DNAAF4: variants seen among roughly 807,000 people sequenced by gnomAD.
The protein encoded by DNAAF4 is dynein axonemal assembly factor 4.
DNAAF4 carries 43 observed loss-of-function variants against 51.8 expected under a neutral mutation model. That is an observed-to-expected ratio of 0.83 (90% confidence interval 0.65 to 1.07). The LOEUF is 1.07. Among genes scored for constraint, DNAAF4 ranks in the 50% least tolerant of loss-of-function variants. DNAAF4 has a pLI of 0.00. For missense variants in DNAAF4, 581 were observed against 493.0 expected, an observed-to-expected ratio of 1.18 and a Z score of -1.69; for synonymous variants, 194 against 165.6, an observed-to-expected ratio of 1.17 and a Z score of -1.32.
intron 2 of DNAAF4, 70 bp from the exon 3 acceptor site, chr15:55,497,929 G>A: frequency 6.5e-7 from 1 of 1,537,276 alleles, no homozygotes; most frequent in Non-Finnish European, 8.8e-7. Context: ...AGAAACACGT[G>A]AAAAAGGTAA....
chr15:55,466,896 G>T lies in DNAAF4; in HGVS notation c.637+34C>A. 1.9e-6 allele frequency: 3 copies of T among 1,577,882 alleles called. No homozygotes were observed. The South Asian group carries it at 3.6e-5, about 19-fold the overall frequency. Reference sequence around the variant, plus strand: ...AGCGTCATATATACTTCACCAACAGGACTCACTACTCAAGAAATTCTTAAT... The same window carrying T: ...AGCGTCATATATACTTCACCAACAGTACTCACTACTCAAGAAATTCTTAAT... On this transcript the variant is annotated intron_variant, in intron 5 of 9. Transcript: ENST00000321149.
intron 4 of DNAAF4, among the ~76,000 whole-genome samples, chr15:55,471,546 C>G (rs1182080765): frequency 2.0e-5 from 3 of 151,166 alleles, no homozygotes; most frequent in African/African-American, 7.3e-5. Flanking sequence ...TGGAGTCTCA[C>G]TCTGTCGCCC....
chr15:55,433,885 T>A (rs1410761058), intron 8 of DNAAF4, among the ~76,000 whole-genome samples: 5 of 52,190 alleles, frequency 9.6e-5, no homozygotes, highest in East Asian at 4.0e-4. Context: ...TTACATATAT[T>A]ATATATATAT....
intron 4 of DNAAF4, among the ~76,000 whole-genome samples, chr15:55,470,504 C>T (rs920654931): frequency 2.0e-5 from 3 of 151,182 alleles, no homozygotes; most frequent in African/African-American, 4.9e-5. Flanking sequence ...CTCATAGTTA[C>T]AGGAATTTTA....
intron 4 of DNAAF4, among the ~76,000 whole-genome samples, chr15:55,473,492 G>T (rs1348773726): frequency 6.7e-6 from 1 of 149,688 alleles, no homozygotes; most frequent in African/African-American, 2.5e-5. Context: ...TCAAATAGGG[G>T]TAACTTAACC....
At chr15:55,437,364 G>A (rs2057630057) in intron 7 of DNAAF4, among the ~76,000 whole-genome samples, 1 of 152,162 alleles carries the variant, frequency 6.6e-6, no homozygotes, top group Non-Finnish European at 1.5e-5. Context: ...TCAGTTCCAG[G>A]CTTCTAACCT....
At chr15:55,479,902 C>G (rs934245161) in intron 4 of DNAAF4, among the ~76,000 whole-genome samples, 29 of 152,084 alleles carry the variant, frequency 1.9e-4, no homozygotes, top group Admixed American at 6.6e-4. Flanking sequence ...ATCCTGTGTT[C>G]TGTTGTTTAA....
chr15:55,501,958 G>A lies in DNAAF4; in HGVS notation c.-255-3374C>T, dbSNP rs575003989. Among the ~76,000 whole-genome samples the A allele has an allele frequency of 2.6e-5, 4 of 151,774 alleles. No homozygotes were observed. The South Asian group carries it at 6.3e-4, about 24-fold the overall frequency. On this transcript the variant is annotated intron_variant, in intron 1 of 9. Coordinates refer to ENST00000321149, the MANE Select transcript of DNAAF4 (RefSeq NM_130810.4). The stretch of plus-strand genomic sequence containing the variant: ...CTCAGGAGGCTGAGGCAGGAGAATC[G>A]CTTGAACCTGGGAGGCGGAAGTTGC...
chr15:55,446,534 G>C (rs574254595), intron 6 of DNAAF4, among the ~76,000 whole-genome samples: 4 of 149,072 alleles, frequency 2.7e-5, no homozygotes, highest in Admixed American at 2.7e-4. Flanking sequence ...TCCCAGACCG[G>C]GTGGCCGGGC....
intron 6 of DNAAF4, among the ~76,000 whole-genome samples, chr15:55,446,150 C>A (rs577723742): frequency 3.0e-5 from 4 of 135,092 alleles, no homozygotes; most frequent in Middle Eastern, 5.3e-3. Context: ...CCAGATGCGG[C>A]AGCCGGGCAG....
In DNAAF4 at chr15:55,451,352, G is replaced by A. The variant is rs59598136; in HGVS notation, c.638-985C>T. On this transcript the variant is annotated intron_variant, in intron 5 of 9. Transcript: ENST00000321149. ...TTTGGGGCTTTATTTTACAATGCTCGGCTTGAACCTACCTAATACAAGATC... is the reference window on the plus strand; with the variant it reads ...TTTGGGGCTTTATTTTACAATGCTCAGCTTGAACCTACCTAATACAAGATC... Among the ~76,000 whole-genome samples, 474 of 152,110 alleles carry A rather than the reference G, an allele frequency of 3.1e-3. 2 individuals carry two copies. The highest frequency in any genetic ancestry group is 0.011 in the African/African-American group (459 of 41,494).
chr15:55,428,949 C>A (rs531053623), downstream of DNAAF4, among the ~76,000 whole-genome samples: 1 of 151,206 alleles, frequency 6.6e-6, no homozygotes. Flanking sequence ...AGGCCAGGCG[C>A]GGGGGGTCTT....
intron 1 of DNAAF4, among the ~76,000 whole-genome samples, chr15:55,500,719 G>A (rs1376978808): frequency 9.2e-5 from 14 of 152,118 alleles, no homozygotes; most frequent in Admixed American, 7.9e-4. Context: ...TTGGCCGGGC[G>A]TGGTGGCTCA....
intron 1 of DNAAF4, among the ~76,000 whole-genome samples, chr15:55,505,248 C>A (rs1016645733): frequency 1.3e-5 from 2 of 152,120 alleles, no homozygotes; most frequent in Non-Finnish European, 2.9e-5. Flanking sequence ...GAATGGTGAT[C>A]ATTAAAACGT....
intron 8 of DNAAF4, among the ~76,000 whole-genome samples, chr15:55,433,786 AATAT>A (rs1303610597): frequency 9.5e-6 from 1 of 105,500 alleles, no homozygotes; most frequent in Non-Finnish European, 1.8e-5. Context: ...TTATAAAACA[AATAT>A]ATATATTTGT....
At chr15:55,455,668 G>A (rs530922722) in intron 5 of DNAAF4, among the ~76,000 whole-genome samples, 2 of 152,068 alleles carry the variant, frequency 1.3e-5, no homozygotes, top group African/African-American at 4.8e-5. Flanking sequence ...CTAACCTCAG[G>A]TGATCTGCCC....
intron 2 of DNAAF4, 122 bp downstream of exon 2, chr15:55,498,085 T>A (rs61675921): frequency 2.6e-6 from 4 of 1,521,880 alleles, no homozygotes; most frequent in Non-Finnish European, 3.6e-6. Flanking sequence ...ATTTTTTTAA[T>A]AGGATTAAAA....
At chr15:55,505,399 C>T (rs1306608901) in intron 1 of DNAAF4, among the ~76,000 whole-genome samples, 1 of 152,024 alleles carries the variant, frequency 6.6e-6, no homozygotes, top group Non-Finnish European at 1.5e-5. Flanking sequence ...ACCATTTGAC[C>T]CAGCAATCCC....
intron 4 of DNAAF4, among the ~76,000 whole-genome samples, chr15:55,484,329 A>G (rs1054269623): frequency 6.6e-6 from 1 of 151,728 alleles, no homozygotes; most frequent in Admixed American, 6.6e-5. Context: ...TAAAAATACA[A>G]AAAAAATTAG....
Sources: allele counts gnomAD v4.1 joint callset (sites outside exome capture counted in the v4.1 genomes callset), GRCh38; gene constraint gnomAD v4.1.1; transcripts MANE v1.5; gene names NCBI Gene and HGNC (gene_info 2026-07-23, HGNC 2026-07-21).